Variants in AZIN2 observed in about 807,000 individuals in gnomAD.
AZIN2 encodes antizyme inhibitor 2, also known as ODC antizyme inhibitor-2.
In AZIN2, 28 loss-of-function variants were observed where a neutral mutation model predicts 47.8. That is an observed-to-expected ratio of 0.59 (90% CI 0.43 to 0.80). The LOEUF is 0.80. Ranked by LOEUF, AZIN2 falls within the 30% of genes least tolerant of loss-of-function variation. The pLI is 0.00. For missense variants in AZIN2, 535 were observed against 582.5 expected, an observed-to-expected ratio of 0.92 and a Z score of 0.84; for synonymous variants, 221 against 239.4, an observed-to-expected ratio of 0.92 and a Z score of 0.71.
At chr1:33,095,489 G>A (rs1284652731) in intron 8 of AZIN2, among the ~76,000 whole-genome samples, 1 of 152,124 alleles carries the variant, frequency 6.6e-6, no homozygotes. Context: ...ATAAAAAATA[G>A]CGTTTGTATA....
the AZIN2 span, among the ~76,000 whole-genome samples, chr1:33,145,192 T>C: frequency 1.3e-5 from 2 of 152,164 alleles, no homozygotes; most frequent in Admixed American, 6.5e-5. Flanking sequence ...TTGGACAGGT[T>C]TGTGGTGTGG....
downstream of AZIN2, among the ~76,000 whole-genome samples, chr1:33,126,042 G>C (rs1472367066): frequency 1.3e-5 from 2 of 152,134 alleles, no homozygotes; most frequent in African/African-American, 4.8e-5. Context: ...TCCTGCCCCA[G>C]CATTCTATAA....
chr1:33,137,180 C>T, the AZIN2 span, among the ~76,000 whole-genome samples: 1 of 152,034 alleles, frequency 6.6e-6, no homozygotes, highest in South Asian at 2.1e-4. Flanking sequence ...AGAATGATCC[C>T]TACACCCATC....
intron 10 of AZIN2, among the ~76,000 whole-genome samples, chr1:33,107,318 G>C (rs1404522119): frequency 6.6e-6 from 1 of 151,896 alleles, no homozygotes; most frequent in African/African-American, 2.4e-5. Context: ...AGTGGCTCAT[G>C]CCTGTAACCC....
chr1:33,117,345 T>A (rs1047830061), intron 10 of AZIN2, among the ~76,000 whole-genome samples: 1 of 152,064 alleles, frequency 6.6e-6, no homozygotes, highest in South Asian at 2.1e-4. Flanking sequence ...GAGGGCTTCA[T>A]AGACGAGGGA....
At chr1:33,158,240 A>G in the AZIN2 span, 1 of 1,611,694 alleles carries the variant, frequency 6.2e-7, no homozygotes, top group Non-Finnish European at 8.5e-7. Context: ...GACCATGATA[A>G]CCCATGCCTT....
At chr1:33,083,565 T>C (rs977538835) in intron 4 of AZIN2, 1 of 320,400 alleles carries the variant, frequency 3.1e-6, no homozygotes. Flanking sequence ...GCAAATGCAG[T>C]GGGAGCATTT....
chr1:33,115,754 G>A (rs943660671), intron 10 of AZIN2, among the ~76,000 whole-genome samples: 3 of 152,198 alleles, frequency 2.0e-5, no homozygotes, highest in African/African-American at 7.2e-5. Context: ...TTTGCATTAT[G>A]TCATGTGAAG....
At chr1:33,159,647 G>C in the AZIN2 span, 1 of 1,580,300 alleles carries the variant, frequency 6.3e-7, no homozygotes, top group Non-Finnish European at 8.6e-7. This position sits in a 1 kb window ranked among gnomAD's most constrained non-coding sequence, Gnocchi z 4.2. Flanking sequence ...GGTCGAGGAG[G>C]GGATGGTCAG....
At chr1:33,109,037 G>T (rs895206190) in intron 10 of AZIN2, among the ~76,000 whole-genome samples, 22 of 152,340 alleles carry the variant, frequency 1.4e-4, no homozygotes, top group African/African-American at 4.8e-4. Flanking sequence ...AGCATTTGGT[G>T]TTACCAGTGT....
the AZIN2 span, among the ~76,000 whole-genome samples, chr1:33,144,351 C>T: frequency 0.21 from 32,354 of 152,072 alleles, 3,522 homozygotes; most frequent in South Asian, 0.3. Flanking sequence ...TTGGTCAGGG[C>T]GGTTTTGAAC....
intron 5 of AZIN2, among the ~76,000 whole-genome samples, chr1:33,087,045 A>G (rs939847495): frequency 2.6e-5 from 4 of 152,130 alleles, no homozygotes; most frequent in Admixed American, 2.6e-4. Flanking sequence ...TGCAAATAAC[A>G]CATTGATTCA....
intron 4 of AZIN2, chr1:33,083,462 G>A (rs1641517473): frequency 4.6e-6 from 1 of 216,730 alleles, no homozygotes; most frequent in Admixed American, 5.2e-5. Context: ...TTGGAAGGCA[G>A]TGAGCTGTAG....
the AZIN2 span, among the ~76,000 whole-genome samples, chr1:33,161,758 C>T: frequency 1.3e-5 from 2 of 152,120 alleles, no homozygotes; most frequent in Non-Finnish European, 2.9e-5. The surrounding 1 kb of genome is among the most constrained non-coding windows in gnomAD (Gnocchi z 4.3). Flanking sequence ...GCCCAGACTC[C>T]GCAGCTACTC....
At chr1:33,161,723 C>A in the AZIN2 span, among the ~76,000 whole-genome samples, 2,005 of 152,286 alleles carry the variant, frequency 0.013, 43 homozygotes, top group African/African-American at 0.047. The surrounding 1 kb of genome is among the most constrained non-coding windows in gnomAD (Gnocchi z 4.3). Context: ...CGTCCCTGCA[C>A]CACCTGGAGC....
intron 10 of AZIN2, chr1:33,101,915 C>T (rs756606047): frequency 2.6e-6 from 2 of 777,476 alleles, no homozygotes; most frequent in Admixed American, 3.4e-5. Flanking sequence ...GAGTATGCTG[C>T]AGTTTATTTG....
At position 33,120,118 on chromosome 1, in the gene AZIN2, G is replaced by C. The variant is rs1380884369; in HGVS notation, c.1319G>C (p.Cys440Ser). 1.2e-6 allele frequency: 2 copies of C among 1,613,976 alleles called. No homozygotes were observed. The highest frequency in any genetic ancestry group is 8.5e-7 in the Non-Finnish European group (1 of 1,179,872). ...GAGGGTGTGTGCAAGCCTCTGTCCT[G>C]CGGCTGGGAGATCACAGACACCCTG... ...DVEGVCKPLSCGWEITDTLCV... is the reference protein window; with the variant it reads ...DVEGVCKPLSSGWEITDTLCV... Residue 440 changes from cysteine to serine, a missense_variant, in exon 12 of 12, where the codon TGC (cysteine) becomes TCC (serine). Cys to Ser is a moderately radical substitution (Grantham distance 112). This residue lies in a region of AZIN2 where 122 missense variants were observed against 135.8 expected (regional missense o/e 0.90). Transcript: ENST00000294517.
chr1:33,152,163 AAGTG>A, the AZIN2 span, among the ~76,000 whole-genome samples: 1 of 152,228 alleles, frequency 6.6e-6, no homozygotes, highest in Non-Finnish European at 1.5e-5. Context: ...ACTCTGAGGT[AAGTG>A]GCTTGCTCAA....
the AZIN2 span, among the ~76,000 whole-genome samples, chr1:33,133,438 G>T: frequency 6.6e-6 from 1 of 152,210 alleles, no homozygotes; most frequent in South Asian, 2.1e-4. Flanking sequence ...CCCTGTCATC[G>T]TGGACCTTGA....
Sources: gnomAD v4.1 joint callset for allele counts (sites outside exome capture counted in the v4.1 genomes callset) on GRCh38, gnomAD v4.1.1 for gene constraint, gnomAD v4.1.1 regional missense constraint, Gnocchi (gnomAD v3.1) non-coding constraint, MANE v1.5 for transcripts, NCBI Gene and HGNC (gene_info 2026-07-23, HGNC 2026-07-21) for gene names.